Variants in GRM8 observed in about 807,000 individuals in gnomAD.
GRM8 encodes glutamate metabotropic receptor 8, also known as metabotropic glutamate receptor 8.
GRM8 carries 47 observed loss-of-function variants against 87.2 expected under a neutral mutation model. The ratio of observed to expected loss-of-function variants is 0.54; its 90% CI spans 0.43 to 0.69. The LOEUF (loss-of-function observed/expected upper bound fraction) is 0.69. GRM8 is among the 30% of genes least tolerant of loss of function. The pLI, the probability that GRM8 is intolerant of heterozygous loss-of-function variation, is 0.00. For missense variants in GRM8, 1,019 were observed against 1,139.2 expected (o/e 0.89, Z 1.52); for synonymous variants, 396 against 404.5 (o/e 0.98, Z 0.25).
chr7:126,625,450 C>T (rs977287047), intron 7 of GRM8, among the ~76,000 whole-genome samples: 1 of 151,540 alleles, frequency 6.6e-6, no homozygotes, highest in African/African-American at 2.4e-5. Context: ...AAAGACACGA[C>T]AAGAAATGTA....
chr7:126,592,015 A>G (rs1293865292), intron 8 of GRM8, among the ~76,000 whole-genome samples: 1 of 151,818 alleles, frequency 6.6e-6, no homozygotes, highest in Non-Finnish European at 1.5e-5. Context: ...AAAATGGGTA[A>G]ATTCCTTGAT....
chr7:126,877,046 A>G (rs555100238), intron 6 of GRM8, among the ~76,000 whole-genome samples: 1 of 152,264 alleles, frequency 6.6e-6, no homozygotes, highest in East Asian at 1.9e-4. Flanking sequence ...TTTTTCTCAA[A>G]GTCACAAAGA....
At position 126,815,432 on chromosome 7, in the gene GRM8, C is replaced by T. The variant is rs144405728; in HGVS notation, c.1157-45367G>A. On this transcript the variant is annotated intron_variant, in intron 6 of 10. Coordinates refer to ENST00000339582, the MANE Select transcript of GRM8 (RefSeq NM_000845.3). ...AAGACTAAGAAATTTAACATTAACT[C>T]TAACAGAAGTTATTAACAGTACCAA... 1.1e-3 allele frequency among the ~76,000 whole-genome samples: 171 copies of T among 152,244 alleles called. 1 individual carries two copies. Among genetic ancestry groups the T allele is most frequent in the African/African-American group, 4.0e-3 (166 of 41,574 alleles).
chr7:126,875,126 T>A (rs750350900), intron 6 of GRM8, among the ~76,000 whole-genome samples: 4 of 152,102 alleles, frequency 2.6e-5, no homozygotes, highest in Non-Finnish European at 4.4e-5. Context: ...TCAAACTAAT[T>A]TAGAAAGTCT....
chr7:126,657,403 G>A (rs898697849), intron 7 of GRM8, among the ~76,000 whole-genome samples: 2 of 152,022 alleles, frequency 1.3e-5, no homozygotes, highest in African/African-American at 4.8e-5. Flanking sequence ...TATTTTCTTA[G>A]CAGTAAAAAC....
rs17866143 is a variant in GRM8, at chr7:127,089,991, G to T, written c.727+16505C>A. Among the ~76,000 whole-genome samples, 147 of 152,278 alleles carry T rather than the reference G, an allele frequency of 9.7e-4. 1 individual carries two copies. The highest frequency in any genetic ancestry group is 3.4e-3 in the African/African-American group (142 of 41,566). Reference sequence around the variant, plus strand: ...TGCGGTTGGCCAAGATGTCTTAAATGAGTTTTGTTTCAATGGCATAGATCC... The same window carrying T: ...TGCGGTTGGCCAAGATGTCTTAAATTAGTTTTGTTTCAATGGCATAGATCC... On this transcript the variant is annotated intron_variant, in intron 3 of 10. Transcript: ENST00000339582.
chr7:126,781,607 T>C (rs926660084), intron 6 of GRM8, among the ~76,000 whole-genome samples: 1 of 152,192 alleles, frequency 6.6e-6, no homozygotes, highest in African/African-American at 2.4e-5. Context: ...TTGTCAACAA[T>C]GAAGTATTAT....
At chr7:126,861,803 TA>T (rs1277504956) in intron 6 of GRM8, among the ~76,000 whole-genome samples, 1 of 152,042 alleles carries the variant, frequency 6.6e-6, no homozygotes, top group African/African-American at 2.4e-5. Context: ...CTAATCTTTT[TA>T]TTTTCATTTG....
intron 3 of GRM8, among the ~76,000 whole-genome samples, chr7:126,991,867 GT>G (rs1020221343): frequency 6.6e-6 from 1 of 152,086 alleles, no homozygotes; most frequent in African/African-American, 2.4e-5. Context: ...GAAAAATTAA[GT>G]TCCATAATAC....
At chr7:127,193,324 C>G (rs1014833998) in intron 2 of GRM8, among the ~76,000 whole-genome samples, 1 of 152,190 alleles carries the variant, frequency 6.6e-6, no homozygotes, top group Non-Finnish European at 1.5e-5. Context: ...AATGTCCAAT[C>G]AAAGTGCTGG....
chr7:126,695,404 G>GT (rs1405711653), intron 7 of GRM8, among the ~76,000 whole-genome samples: 8 of 152,290 alleles, frequency 5.3e-5, no homozygotes, highest in Middle Eastern at 3.4e-3. Context: ...CCAGGAAACA[G>GT]TATCAGCTAT....
intron 7 of GRM8, among the ~76,000 whole-genome samples, chr7:126,640,851 T>C (rs1172980717): frequency 1.3e-5 from 2 of 151,810 alleles, no homozygotes; most frequent in Non-Finnish European, 2.9e-5. Flanking sequence ...AGCGTCCCTA[T>C]CTGAATTATA....
intron 3 of GRM8, among the ~76,000 whole-genome samples, chr7:126,984,127 C>A (rs10275501): frequency 0.31 from 47,786 of 152,034 alleles, 7,579 homozygotes; most frequent in Non-Finnish European, 0.35. Flanking sequence ...TATGGAATAG[C>A]ATTTGGCTTG....
chr7:126,905,565 T>C (rs1376101227), intron 3 of GRM8, among the ~76,000 whole-genome samples: 1 of 152,196 alleles, frequency 6.6e-6, no homozygotes, highest in Non-Finnish European at 1.5e-5. Flanking sequence ...TCACCATTTA[T>C]AGCATTGCTT....
chr7:126,579,311 A>C (rs561406234), intron 8 of GRM8, among the ~76,000 whole-genome samples: 12 of 152,330 alleles, frequency 7.9e-5, no homozygotes, highest in Middle Eastern at 3.4e-3. Flanking sequence ...CAAAATGACT[A>C]TGGCTCCCAT....
intron 9 of GRM8, among the ~76,000 whole-genome samples, chr7:126,451,116 C>T (rs1204988165): frequency 6.6e-6 from 1 of 151,804 alleles, no homozygotes; most frequent in African/African-American, 2.4e-5. Flanking sequence ...TTTTAAAAAT[C>T]ACTTATATAC....
intron 7 of GRM8, among the ~76,000 whole-genome samples, chr7:126,718,471 T>G (rs2151444674): frequency 6.6e-6 from 1 of 152,216 alleles, no homozygotes; most frequent in South Asian, 2.1e-4. Flanking sequence ...TTGCAAGAAT[T>G]TGTAGTGATG....
At chr7:127,143,669 G>A (rs1426450246) in intron 2 of GRM8, among the ~76,000 whole-genome samples, 1 of 152,072 alleles carries the variant, frequency 6.6e-6, no homozygotes, top group Non-Finnish European at 1.5e-5. Flanking sequence ...TTTAACAAAG[G>A]CCATGTAGCT....
chr7:126,837,764 A>G (rs2130531789), intron 6 of GRM8, among the ~76,000 whole-genome samples: 1 of 152,316 alleles, frequency 6.6e-6, no homozygotes, highest in African/African-American at 2.4e-5. Flanking sequence ...TGGATATTTT[A>G]GGGATTTGAC....
Sources: gnomAD v4.1 joint callset for allele counts (sites outside exome capture counted in the v4.1 genomes callset) on GRCh38, gnomAD v4.1.1 for gene constraint, MANE v1.5 for transcripts, NCBI Gene and HGNC (gene_info 2026-07-23, HGNC 2026-07-21) for gene names.